The following LVRN variants were observed in gnomAD, a reference collection of about 807,000 sequenced individuals.
The protein encoded by LVRN is aminopeptidase Q.
LVRN carries 99 observed loss-of-function variants against 111.4 expected under a neutral mutation model. That is an observed-to-expected ratio of 0.89 (90% CI 0.76 to 1.05). The LOEUF (loss-of-function observed/expected upper bound fraction) is 1.05, where lower values mean the gene tolerates loss of function less well. LVRN is among the 50% of genes least tolerant of loss of function. LVRN has a pLI of 0.00. For missense variants in LVRN, 1,414 were observed against 1,206.8 expected (o/e 1.17, Z -2.54); for synonymous variants, 488 against 449.5 (o/e 1.09, Z -1.08).
chr5:115,987,580 A>G (rs573044449), intron 3 of LVRN, among the ~76,000 whole-genome samples: 22 of 152,316 alleles, frequency 1.4e-4, no homozygotes, highest in South Asian at 4.1e-4. Context: ...CAGATTGTAC[A>G]TGCTATTGTC....
rs182809962 is a variant in LVRN at position 115,982,607 on chromosome 5, T to A, written c.696-680T>A. Among the ~76,000 whole-genome samples, 613 of 152,214 alleles carry A rather than the reference T, an allele frequency of 4.0e-3. 3 individuals are homozygous for A. Among genetic ancestry groups the A allele is most frequent in the African/African-American group, 0.014 (590 of 41,536 alleles). ...GTGTTTGCAGGGGGTAAACCTGACG[T>A]CTTCTCGTCTGCTCGGGGTATTCTT... On this transcript the variant is annotated intron_variant, in intron 1 of 19. Coordinates refer to ENST00000357872, the MANE Select transcript of LVRN (RefSeq NM_173800.5).
At chr5:115,967,965 G>A (rs959178087) in intron 1 of LVRN, among the ~76,000 whole-genome samples, 3 of 152,156 alleles carry the variant, frequency 2.0e-5, no homozygotes, top group Non-Finnish European at 2.9e-5. Flanking sequence ...ATGAGATCTA[G>A]AGCTTTGTGT....
chr5:116,018,432 G>A (rs1286285329), intron 18 of LVRN, among the ~76,000 whole-genome samples: 1 of 152,066 alleles, frequency 6.6e-6, no homozygotes, highest in Admixed American at 6.6e-5. Context: ...CAGCACTTTG[G>A]GAGGCTGAGG....
rs754243138 is a variant in LVRN at position 116,022,415 on chromosome 5, T to C, written c.2781T>C (p.Asn927=). 5.7e-6 allele frequency: 9 copies of C among 1,579,402 alleles called. No homozygotes were observed. Among genetic ancestry groups the C allele is most frequent in the Non-Finnish European group, 6.1e-6 (7 of 1,155,704 alleles). ...GGTATGGAACACAATCATTGATTAA[T>C]CTAATATATACAATAGGGAGAACCG... ...SKRYGTQSLI[N]LIYTIGRTVT... Residue 927 remains asparagine (N), a synonymous_variant, in exon 19 of 20, where the codon AAT becomes AAC. Transcript: ENST00000357872.
Position 115,963,018 on chromosome 5 carries a change from C to T in LVRN, c.401C>T (p.Thr134Met). 6.2e-7 allele frequency: 1 copy of T among 1,613,644 alleles called. No homozygotes were observed. Among genetic ancestry groups the T allele is most frequent in the Non-Finnish European group, 8.5e-7 (1 of 1,179,922 alleles). ...SLPFTGRVNITVRCTVATSRL... is the reference protein window; with the variant it reads ...SLPFTGRVNIMVRCTVATSRL... Reference sequence around the variant, plus strand: ...CCCTTCACTGGCCGCGTGAACATCACGGTGCGCTGCACGGTGGCCACCTCT... The same window carrying T: ...CCCTTCACTGGCCGCGTGAACATCATGGTGCGCTGCACGGTGGCCACCTCT... Residue 134 changes from threonine (T) to methionine (M), a missense_variant, in exon 1 of 20, where the codon ACG (threonine) becomes ATG (methionine). By Grantham distance (81) the Thr-to-Met change is moderately conservative (BLOSUM62 -1). Transcript: ENST00000357872.
Position 116,026,906 on chromosome 5 carries a change from C to G in LVRN, c.*788C>G, listed in dbSNP as rs1017270723. On this transcript the variant is annotated 3_prime_UTR_variant, in exon 20 of 20. Coordinates refer to ENST00000357872, the MANE Select transcript of LVRN (RefSeq NM_173800.5). Reference sequence around the variant, plus strand: ...GGGATGGACACCCTTTCAGCCTAAGCGTACGAGTGAAAACAATGATGTCAA... The same window carrying G: ...GGGATGGACACCCTTTCAGCCTAAGGGTACGAGTGAAAACAATGATGTCAA... 1 of 152,126 alleles carries G rather than the reference C, an allele frequency of 6.6e-6. No individual in the cohort carries two copies. The highest frequency in any genetic ancestry group is 1.5e-5 in the Non-Finnish European group (1 of 68,048). The allele number at this position is 152,126 out of a possible 1,614,324, so 9.4% of individuals were successfully genotyped here.
At chr5:116,014,727 C>T (rs1018649997) in intron 16 of LVRN, among the ~76,000 whole-genome samples, 200 bp downstream of exon 16, 1 of 152,164 alleles carries the variant, frequency 6.6e-6, no homozygotes, top group Non-Finnish European at 1.5e-5. Context: ...AGAATTTATA[C>T]AATGAATTGT....
At chr5:115,977,329 A>G (rs1443577099) in intron 1 of LVRN, among the ~76,000 whole-genome samples, 2 of 152,192 alleles carry the variant, frequency 1.3e-5, no homozygotes, top group African/African-American at 2.4e-5. Context: ...CCTGTGCTGC[A>G]GTTTAGAAAC....
chr5:115,992,151 C>T lies in LVRN; in HGVS notation c.1134C>T (p.Asn378=), dbSNP rs1166817741. 5 of 1,613,512 alleles carry T rather than the reference C, an allele frequency of 3.1e-6. No individual in the cohort carries two copies. Among genetic ancestry groups the T allele is most frequent in the Non-Finnish European group, 4.2e-6 (5 of 1,179,704 alleles). The change falls in exon 5 of 20, where the codon AAC becomes AAT. Residue 378 remains asparagine (N), a synonymous_variant. Coordinates refer to ENST00000357872, the MANE Select transcript of LVRN (RefSeq NM_173800.5). Reference sequence around the variant, plus strand: ...TAATTGCCTTGCCTAGTTTTGACAACCATGCAATGGAAAACTGGGGACTAA... The same window carrying T: ...TAATTGCCTTGCCTAGTTTTGACAATCATGCAATGGAAAACTGGGGACTAA... ...TDIIALPSFD[N]HAMENWGLMI... is the part of the protein sequence containing the mutation.
rs183434777 is a variant in LVRN at position 116,009,726 on chromosome 5, G to A, written c.2094-1015G>A. 3.9e-5 allele frequency among the ~76,000 whole-genome samples: 6 copies of A among 152,302 alleles called. No individual in the cohort carries two copies. The East Asian group carries it at 9.6e-4, about 24-fold the overall frequency. On this transcript the variant is annotated intron_variant, in intron 13 of 19. Coordinates refer to ENST00000357872, the MANE Select transcript of LVRN (RefSeq NM_173800.5). ...AATTAGAAGTGAAGCCTGAAGATGCGACTGAATTGCTGCAATCTCATGATC... is the reference window on the plus strand; with the variant it reads ...AATTAGAAGTGAAGCCTGAAGATGCAACTGAATTGCTGCAATCTCATGATC...
At chr5:115,979,625 T>A (rs1389601144) in intron 1 of LVRN, among the ~76,000 whole-genome samples, 2 of 152,192 alleles carry the variant, frequency 1.3e-5, no homozygotes, top group African/African-American at 2.4e-5. Flanking sequence ...TCTATTATGT[T>A]TTGTTGCCTG....
intron 18 of LVRN, chr5:116,021,738 C>G (rs1748735382): frequency 2.2e-6 from 1 of 451,644 alleles, no homozygotes; most frequent in African/African-American, 2.0e-5. Flanking sequence ...TTAACTACAG[C>G]CACACTTTGA....
At position 116,022,475 on chromosome 5, in the gene LVRN, T is replaced by G. The variant is rs368460127; in HGVS notation, c.2832+9T>G. On this transcript the variant is annotated intron_variant, in intron 19 of 19. Coordinates refer to ENST00000357872, the MANE Select transcript of LVRN (RefSeq NM_173800.5). ...ATTTACAGATTGTGGAGGTAAGTACTTTAAATATTATGAAATACAATGATA... is the reference window on the plus strand; with the variant it reads ...ATTTACAGATTGTGGAGGTAAGTACGTTAAATATTATGAAATACAATGATA... 57 of 1,508,612 alleles carry G rather than the reference T, an allele frequency of 3.8e-5. No individual in the cohort carries two copies. Among genetic ancestry groups the G allele is most frequent in the Non-Finnish European group, 5.0e-5 (55 of 1,106,136 alleles). 93.5% of individuals were successfully genotyped at this position (1,508,612 alleles called of 1,614,324 possible).
intron 1 of LVRN, chr5:115,976,408 ATT>A (rs1324801203): frequency 6.6e-6 from 1 of 151,804 alleles, no homozygotes; most frequent in African/African-American, 2.4e-5. Context: ...GGCTTCATTG[ATT>A]TTCTCTATTG....
intron 12 of LVRN, among the ~76,000 whole-genome samples, chr5:116,005,469 C>G (rs1748340963): frequency 6.6e-6 from 1 of 152,144 alleles, no homozygotes; most frequent in Non-Finnish European, 1.5e-5. Context: ...AAGATAAATA[C>G]CGTGTGAAAA....
Position 116,003,313 on chromosome 5 carries a change from A to G in LVRN, c.1970A>G (p.Tyr657Cys). ...ATTTTGAATTTGAATATGACTGGAT[A>G]TTATAGAGTTAATTATGATAAATTA... ...WVILNLNMTG[Y>C]YRVNYDKLGW... is the part of the protein sequence containing the mutation. Residue 657 changes from tyrosine to cysteine, a missense_variant, in exon 12 of 20, where the codon TAT (tyrosine) becomes TGT (cysteine). Transcript: ENST00000357872. 1 of 1,553,446 alleles carries G rather than the reference A, an allele frequency of 6.4e-7. No individual in the cohort carries two copies. The highest frequency in any genetic ancestry group is 8.8e-7 in the Non-Finnish European group (1 of 1,139,032).
At chr5:115,980,976 A>G (rs975924748) in intron 1 of LVRN, among the ~76,000 whole-genome samples, 7 of 152,232 alleles carry the variant, frequency 4.6e-5, no homozygotes, top group African/African-American at 1.7e-4. Flanking sequence ...CTTAGAGATC[A>G]TCTACATTTC....
chr5:116,003,417 T>G (rs1305490319), intron 12 of LVRN, 37 bp downstream of exon 12: 1 of 1,252,922 alleles, frequency 8.0e-7, no homozygotes, highest in Non-Finnish European at 1.1e-6. Context: ...TAAATATAAT[T>G]TATAATGCCT....
intron 2 of LVRN, 46 bp from the exon 3 acceptor site, chr5:115,984,524 A>G: frequency 6.2e-7 from 1 of 1,600,106 alleles, no homozygotes; most frequent in Non-Finnish European, 8.5e-7. Context: ...AAAGACATGT[A>G]ATTGCTTAGA....
Sources: gnomAD v4.1 joint callset for allele counts (sites outside exome capture counted in the v4.1 genomes callset) on GRCh38, gnomAD v4.1.1 for gene constraint, MANE v1.5 for transcripts, NCBI Gene and HGNC (gene_info 2026-07-23, HGNC 2026-07-21) for gene names.